The following EYS variants were observed in gnomAD, a reference collection of about 807,000 sequenced individuals.
EYS encodes the protein EGF-like photoreceptor maintenance factor, also known as protein eyes shut homolog.
Under a neutral mutation model 282.1 loss-of-function variants are expected in EYS, and 250 were observed. The observed-to-expected ratio is 0.89, with a 90% confidence interval of 0.80 to 0.98. The LOEUF is 0.98. EYS is among the 50% of genes least tolerant of loss of function. The pLI, the probability that EYS is intolerant of heterozygous loss-of-function variation, is 0.00. For synonymous variants in EYS, 1,355 were observed against 1,282.9 expected, an observed-to-expected ratio of 1.06 and a Z score of -1.20; for missense variants, 4,016 against 3,709.0, an observed-to-expected ratio of 1.08 and a Z score of -2.15.
chr6:64,908,742 T>C (rs1767905479), intron 16 of EYS, among the ~76,000 whole-genome samples: 1 of 152,078 alleles, frequency 6.6e-6, no homozygotes, highest in Non-Finnish European at 1.5e-5. Context: ...GGGGTTTCTA[T>C]AGACACAGGA....
intron 29 of EYS, among the ~76,000 whole-genome samples, chr6:64,356,432 A>G (rs1269231441): frequency 6.6e-6 from 1 of 151,670 alleles, no homozygotes; most frequent in Admixed American, 6.6e-5. Context: ...CAGCTTCCAA[A>G]ATTACTTAGC....
chr6:64,078,906 G>C (rs1771861757), intron 32 of EYS, among the ~76,000 whole-genome samples: 1 of 152,056 alleles, frequency 6.6e-6, no homozygotes, highest in Admixed American at 6.6e-5. Context: ...TGTTGGTATG[G>C]ACATGAGCCA....
rs1772456777 is a variant in EYS, at chr6:63,858,750, G to A, written c.7228+5436C>T. On this transcript the variant is annotated intron_variant, in intron 36 of 42. Transcript: ENST00000503581. ...TGAGGGATACTAAGATGTGTTGAAC[G>A]GTGGGGCAATCAAACAGCTGTTGAG... 2.0e-5 allele frequency among the ~76,000 whole-genome samples: 3 copies of A among 152,250 alleles called. No homozygotes were observed. In the South Asian group the frequency reaches 6.2e-4, roughly 32 times the overall value.
chr6:65,274,440 C>G (rs764896680), intron 12 of EYS, among the ~76,000 whole-genome samples: 23 of 152,268 alleles, frequency 1.5e-4, no homozygotes, highest in South Asian at 4.2e-4. Context: ...CAAGATGTAG[C>G]TTTATTGCTT....
At chr6:64,086,516 G>A (rs1772162712) in intron 31 of EYS, among the ~76,000 whole-genome samples, 1 of 152,082 alleles carries the variant, frequency 6.6e-6, no homozygotes, top group Non-Finnish European at 1.5e-5. Flanking sequence ...TGCTAAGGTT[G>A]AACCAACTTT....
Position 65,003,645 on chromosome 6 carries a change from T to C in EYS, c.2138-5942A>G, listed in dbSNP as rs368680729. ...TCACAGAACCTACCAACATGGGATG[T>C]CTCCCCCGGATGCCCAGCTTTAAAA... On this transcript the variant is annotated intron_variant, in intron 13 of 42. Coordinates refer to ENST00000503581, the MANE Select transcript of EYS (RefSeq NM_001142800.2). Among the ~76,000 whole-genome samples the C allele has an allele frequency of 3.9e-4, 57 of 147,268 alleles. 1 individual carries two copies. Among genetic ancestry groups the C allele is most frequent in the African/African-American group, 1.4e-3 (56 of 41,214 alleles).
rs545058961 is a variant in EYS at position 65,088,801 on chromosome 6, A to G, written c.2024-31074T>C. On this transcript the variant is annotated intron_variant, in intron 12 of 42. Coordinates refer to ENST00000503581, the MANE Select transcript of EYS (RefSeq NM_001142800.2). ...ATCACAGGTCTGGAGGGCTAGGAGG[A>G]AAAAATGGTTTCATGGGCCAGGCCC... 2.6e-5 allele frequency among the ~76,000 whole-genome samples: 4 copies of G among 152,222 alleles called. No homozygotes were observed. In the South Asian group the frequency reaches 8.3e-4, roughly 32 times the overall value.
intron 30 of EYS, among the ~76,000 whole-genome samples, chr6:64,251,671 T>C (rs888822500): frequency 2.0e-5 from 3 of 152,180 alleles, no homozygotes; most frequent in Admixed American, 6.5e-5. Context: ...ATTATGACCA[T>C]GTTTTGCTGA....
chr6:64,867,152 C>T (rs897703140), intron 19 of EYS, among the ~76,000 whole-genome samples: 1 of 151,474 alleles, frequency 6.6e-6, no homozygotes, highest in African/African-American at 2.4e-5. Context: ...TCAAAAAGAC[C>T]ATGTGTCTTA....
At chr6:64,531,101 A>T (rs928959702) in intron 26 of EYS, among the ~76,000 whole-genome samples, 8 of 152,198 alleles carry the variant, frequency 5.3e-5, no homozygotes, top group African/African-American at 1.7e-4. Flanking sequence ...TCAAGAAACA[A>T]GAGAAACCAG....
At chr6:64,947,641 G>T in intron 14 of EYS, among the ~76,000 whole-genome samples, 1 of 147,020 alleles carries the variant, frequency 6.8e-6, no homozygotes, top group African/African-American at 2.5e-5. Flanking sequence ...GGTTGCGTTT[G>T]GCTTATTTTT....
rs771825171 is a variant in EYS, at chr6:63,779,677, GATAAA to G, written c.7724-1502_7724-1498del. 8.6e-5 allele frequency among the ~76,000 whole-genome samples: 13 copies of G among 150,352 alleles called. No homozygotes were observed. The East Asian group carries it at 9.7e-4, about 11-fold the overall frequency. On this transcript the variant is annotated intron_variant, in intron 39 of 42. Coordinates refer to ENST00000503581, the MANE Select transcript of EYS (RefSeq NM_001142800.2). ...CAACCAGAAATAAGGTCTTTAAAAT[GATAAA>G]ATAAAGGCAAGATTGAATTTTATTT...
Position 64,804,565 on chromosome 6 carries a change from T to A in EYS, c.3443+8813A>T, listed in dbSNP as rs568775538. Among the ~76,000 whole-genome samples, 43 of 152,290 alleles carry A rather than the reference T, an allele frequency of 2.8e-4. No individual in the cohort carries two copies. In the South Asian group the frequency reaches 5.6e-3, roughly 20 times the overall value. ...ATTGTCTACTTTTTTTTCCTTCATTTTTCCTTTTGGTTTCAAGAAATACAG... is the reference window on the plus strand; with the variant it reads ...ATTGTCTACTTTTTTTTCCTTCATTATTCCTTTTGGTTTCAAGAAATACAG... On this transcript the variant is annotated intron_variant, in intron 22 of 42. Transcript: ENST00000503581.
intron 29 of EYS, among the ~76,000 whole-genome samples, chr6:64,312,175 AT>A (rs1304550692): frequency 6.6e-6 from 1 of 151,962 alleles, no homozygotes. Flanking sequence ...TCGACCTAGG[AT>A]GCTCGAGCTT....
chr6:65,004,222 A>C (rs1771562829), intron 13 of EYS, among the ~76,000 whole-genome samples: 1 of 147,624 alleles, frequency 6.8e-6, no homozygotes, highest in African/African-American at 2.4e-5. Flanking sequence ...TGACACTAGA[A>C]AGGAAAAGTC....
At chr6:65,383,428 G>A (rs1765688387) in intron 8 of EYS, among the ~76,000 whole-genome samples, 1 of 151,474 alleles carries the variant, frequency 6.6e-6, no homozygotes, top group African/African-American at 2.4e-5. Flanking sequence ...AATGAATCCT[G>A]GAATTTTGCC....
intron 2 of EYS, among the ~76,000 whole-genome samples, chr6:65,507,350 C>A (rs571486400): frequency 6.6e-6 from 1 of 151,722 alleles, no homozygotes; most frequent in Non-Finnish European, 1.5e-5. Flanking sequence ...AAGATTTTTC[C>A]TTTGTCTTTC....
intron 36 of EYS, among the ~76,000 whole-genome samples, chr6:63,847,123 T>C (rs1772120549): frequency 6.6e-6 from 1 of 152,172 alleles, no homozygotes; most frequent in African/African-American, 2.4e-5. Flanking sequence ...TTGAAGTTCA[T>C]GTTCAGATTC....
chr6:64,587,416 T>C (rs1766266617), intron 26 of EYS, among the ~76,000 whole-genome samples: 1 of 152,080 alleles, frequency 6.6e-6, no homozygotes, highest in African/African-American at 2.4e-5. Flanking sequence ...AAGAAACAGG[T>C]ATATATAATG....
Sources: gnomAD v4.1 joint callset for allele counts (sites outside exome capture counted in the v4.1 genomes callset) on GRCh38, gnomAD v4.1.1 for gene constraint, MANE v1.5 for transcripts, NCBI Gene and HGNC (gene_info 2026-07-23, HGNC 2026-07-21) for gene names.